Variants in GSE1 observed in about 807,000 individuals in gnomAD.
The protein encoded by GSE1 is genetic suppressor element 1.
Under a neutral mutation model 112.6 loss-of-function variants are expected in GSE1, and 32 were observed. The ratio of observed to expected loss-of-function variants is 0.28; its 90% CI spans 0.21 to 0.38. GSE1 has a LOEUF of 0.38. Ranked by LOEUF, GSE1 falls within the 10% of genes least tolerant of loss-of-function variation. The pLI, the probability that GSE1 is intolerant of heterozygous loss-of-function variation, is 1.00. For missense variants in GSE1, 2,348 were observed against 1,699.2 expected (o/e 1.38, Z -6.71); for synonymous variants, 1,115 against 735.6 (o/e 1.52, Z -8.35).
Position 85,668,374 on chromosome 16 carries a change from A to G in GSE1, c.3365A>G (p.Lys1122Arg), listed in dbSNP as rs1470454779. ...GATGAGGAGGAAGTCCCCAAGCGCA[A>G]GTGGCAAGGGATCGAGGCCGTTTTT... ...GEDEEEVPKR[K>R]WQGIEAVFEA... The change falls in exon 14 of 16, where the codon AAG (lysine) becomes AGG (arginine). Residue 1122 changes from lysine (K) to arginine (R), a missense_variant. Lys to Arg is a conservative substitution (Grantham distance 26). Coordinates refer to ENST00000253458, the MANE Select transcript of GSE1 (RefSeq NM_014615.5). 1 of 1,613,052 alleles carries G rather than the reference A, an allele frequency of 6.2e-7. No individual in the cohort carries two copies. The highest frequency in any genetic ancestry group is 8.5e-7 in the Non-Finnish European group (1 of 1,179,850).
chr16:85,229,989 A>G (rs1250013290), intron 1 of GSE1, among the ~76,000 whole-genome samples: 3 of 152,166 alleles, frequency 2.0e-5, no homozygotes, highest in African/African-American at 7.2e-5. Context: ...CCACATGCCC[A>G]CTTGTAATTG....
intron 1 of GSE1, among the ~76,000 whole-genome samples, chr16:85,632,341 C>G (rs1310578488): frequency 1.3e-5 from 2 of 152,268 alleles, no homozygotes; most frequent in Admixed American, 6.5e-5. Flanking sequence ...TCCCGCCTCT[C>G]TGTTCTCTCA....
intron 1 of GSE1, among the ~76,000 whole-genome samples, chr16:85,312,061 C>G (rs1185899231): frequency 6.6e-6 from 1 of 152,188 alleles, no homozygotes; most frequent in Non-Finnish European, 1.5e-5. Flanking sequence ...CTTGGCCTCT[C>G]TGCCTTGCAC....
Position 85,426,064 on chromosome 16 carries a change from T to TGGATGGAA in GSE1, c.2464+68428_2464+68429insAGGATGGA, listed in dbSNP as rs1555510027. Among the ~76,000 whole-genome samples the TGGATGGAA allele has an allele frequency of 9.9e-4, 134 of 135,446 alleles. 2 individuals are homozygous for TGGATGGAA. The highest frequency in any genetic ancestry group is 2.7e-3 in the Admixed American group (34 of 12,830). 88.9% of individuals were successfully genotyped at this position (135,446 alleles called of 152,430 possible). ...ATGGATGGATGGATGGATGGATGGA[T>TGGATGGAA]GGATGGATGGGTAGATGGATGGGTG... is the stretch of plus-strand genomic sequence containing the variant. On this transcript the variant is annotated intron_variant, in intron 2 of 2. Coordinates refer to the GSE1 transcript ENST00000637419.
intron 2 of GSE1, among the ~76,000 whole-genome samples, chr16:85,489,442 C>T (rs1037992195): frequency 6.6e-6 from 1 of 152,022 alleles, no homozygotes; most frequent in East Asian, 1.9e-4. Flanking sequence ...TTCTCAGAAC[C>T]GCTGCAGAAG....
At chr16:85,204,868 G>T (rs1156783213) in intron 1 of GSE1, among the ~76,000 whole-genome samples, 3 of 152,200 alleles carry the variant, frequency 2.0e-5, no homozygotes, top group African/African-American at 7.2e-5. Flanking sequence ...TGTTTACAGG[G>T]TCGTCCGCCT....
chr16:85,672,539 A>T lies in GSE1; in HGVS notation c.3654A>T (p.Ter1218CysextTer6). Residue 1218 changes from the stop codon to cysteine (C), a stop_lost, in exon 16 of 16, where the codon TGA becomes TGT. Transcript: ENST00000253458. ...PRGYLKGYPR[*>C] ...GCTACCTGAAGGGATATCCCAGGTG[A>T]CGGTTTCCCTTGCACTAGGCCGAAC... 6.2e-7 allele frequency: 1 copy of T among 1,602,212 alleles called. No homozygotes were observed. Among genetic ancestry groups the T allele is most frequent in the Non-Finnish European group, 8.5e-7 (1 of 1,170,814 alleles).
chr16:85,531,048 A>G lies in GSE1; in HGVS notation c.2465-102866A>G, dbSNP rs111437703. ...GATCTCTGGCTCCAAGGAGTTGCCAACTGATGCCATGCACACACCTTTGCC... is the reference window on the plus strand; with the variant it reads ...GATCTCTGGCTCCAAGGAGTTGCCAGCTGATGCCATGCACACACCTTTGCC... On this transcript the variant is annotated intron_variant, in intron 2 of 2. Transcript: ENST00000637419. Among the ~76,000 whole-genome samples the G allele has an allele frequency of 1.6e-3, 240 of 152,328 alleles. 1 individual carries two copies. The highest frequency in any genetic ancestry group is 0.01 in the Middle Eastern group (3 of 294).
At chr16:85,252,920 C>T (rs989382784) in intron 1 of GSE1, among the ~76,000 whole-genome samples, 8 of 152,268 alleles carry the variant, frequency 5.3e-5, no homozygotes, top group Middle Eastern at 3.4e-3. Context: ...CAGGGGCCTT[C>T]GTGGAGCTGA....
chr16:85,331,439 A>G (rs1381223866), intron 1 of GSE1, among the ~76,000 whole-genome samples: 1 of 139,974 alleles, frequency 7.1e-6, no homozygotes, highest in Non-Finnish European at 1.6e-5. Context: ...ATGTATATAT[A>G]TGCGTATATA....
At chr16:85,221,378 C>T (rs530191316) in intron 1 of GSE1, among the ~76,000 whole-genome samples, 4 of 152,080 alleles carry the variant, frequency 2.6e-5, no homozygotes, top group Non-Finnish European at 5.9e-5. Flanking sequence ...ATATACTACA[C>T]ACACCCACAT....
At chr16:85,182,463 C>T (rs562125129) in intron 1 of GSE1, among the ~76,000 whole-genome samples, 9 of 152,322 alleles carry the variant, frequency 5.9e-5, no homozygotes, top group African/African-American at 1.7e-4. Flanking sequence ...CAGGGGGGAT[C>T]GCTGCTTCTC....
chr16:85,495,325 G>T (rs1249566266), intron 2 of GSE1, among the ~76,000 whole-genome samples: 1 of 152,112 alleles, frequency 6.6e-6, no homozygotes, highest in African/African-American at 2.4e-5. Flanking sequence ...CCGGCCTGTG[G>T]TTCGGTAGCG....
intron 2 of GSE1, among the ~76,000 whole-genome samples, chr16:85,508,733 G>A (rs940371219): frequency 2.0e-5 from 3 of 152,228 alleles, no homozygotes; most frequent in Non-Finnish European, 4.4e-5. Flanking sequence ...GTGCTGGTCT[G>A]TTTTTCTGTA....
intron 2 of GSE1, among the ~76,000 whole-genome samples, chr16:85,475,820 C>T (rs1384127952): frequency 6.7e-6 from 1 of 148,664 alleles, no homozygotes; most frequent in Admixed American, 6.7e-5. Flanking sequence ...GACCGGGTTT[C>T]ACTCTGTTGC....
chr16:85,420,641 C>T (rs1416560138), intron 2 of GSE1, among the ~76,000 whole-genome samples: 2 of 152,136 alleles, frequency 1.3e-5, no homozygotes, highest in Non-Finnish European at 2.9e-5. Context: ...GAGGCCAGCC[C>T]ACTCGGCCCA....
intron 2 of GSE1, among the ~76,000 whole-genome samples, chr16:85,643,691 C>G (rs1170275225): frequency 1.3e-5 from 2 of 152,140 alleles, no homozygotes; most frequent in Admixed American, 1.3e-4. Flanking sequence ...AAGGTTCTCC[C>G]CATTTGTAGA....
upstream of GSE1, among the ~76,000 whole-genome samples, chr16:85,610,436 T>G (rs183049939): frequency 3.7e-3 from 564 of 152,146 alleles, 3 homozygotes; most frequent in Non-Finnish European, 6.0e-3. Context: ...TGGAGGGAAA[T>G]GGAGGGAGGC....
chr16:85,661,346 C>T lies in GSE1; in HGVS notation c.1841C>T (p.Pro614Leu), dbSNP rs2052412735. 1 of 1,612,164 alleles carries T rather than the reference C, an allele frequency of 6.2e-7. No homozygotes were observed. The highest frequency in any genetic ancestry group is 8.5e-7 in the Non-Finnish European group (1 of 1,179,562). The change falls in exon 9 of 16, where the codon CCC becomes CTC. Residue 614 changes from proline (P) to leucine (L), a missense_variant. Physicochemically the swap from Pro to Leu is moderately conservative, Grantham distance 98. Coordinates refer to ENST00000253458, the MANE Select transcript of GSE1 (RefSeq NM_014615.5). ...CACAGCCACCCGGCTGCATTTGAGC[C>T]CAGCCGCCAGGCAGCCGTGCCGCTG... ...SLHSHPAAFE[P>L]SRQAAVPLVK... is the part of the protein sequence containing the mutation.
Sources: gnomAD v4.1 joint callset for allele counts (sites outside exome capture counted in the v4.1 genomes callset) on GRCh38, gnomAD v4.1.1 for gene constraint, MANE v1.5 for transcripts, NCBI Gene and HGNC (gene_info 2026-07-23, HGNC 2026-07-21) for gene names.